HPSE2: variants seen among roughly 807,000 people sequenced by gnomAD.
HPSE2 encodes the protein heparanase 2 (inactive), also known as inactive heparanase-2.
In HPSE2, 38 loss-of-function variants were observed where a neutral mutation model predicts 60.5. That is an observed-to-expected ratio of 0.63 (90% CI 0.48 to 0.82). The LOEUF (loss-of-function observed/expected upper bound fraction) is 0.82. Among genes scored for constraint, HPSE2 ranks in the 40% least tolerant of loss-of-function variants. HPSE2 has a pLI of 0.00. For synonymous variants in HPSE2, 295 were observed against 293.2 expected (o/e 1.01, Z -0.06); for missense variants, 713 against 740.4 (o/e 0.96, Z 0.43).
chr10:99,031,330 T>G (rs1009903552), intron 3 of HPSE2, among the ~76,000 whole-genome samples: 1 of 152,184 alleles, frequency 6.6e-6, no homozygotes, highest in Non-Finnish European at 1.5e-5. Context: ...CTATGTGGGG[T>G]ACCATGTCCA....
At chr10:99,113,186 A>C (rs570586859) in intron 3 of HPSE2, among the ~76,000 whole-genome samples, 2 of 152,292 alleles carry the variant, frequency 1.3e-5, no homozygotes, top group East Asian at 3.9e-4. Context: ...CTTATTAAGC[A>C]TTCAATAATA....
At chr10:99,053,628 A>G (rs1958040578) in intron 3 of HPSE2, among the ~76,000 whole-genome samples, 1 of 150,504 alleles carries the variant, frequency 6.6e-6, no homozygotes, top group Admixed American at 6.6e-5. Context: ...ATAGGACATG[A>G]TTACAACCCT....
intron 9 of HPSE2, among the ~76,000 whole-genome samples, chr10:98,593,649 G>A (rs1945151171): frequency 6.6e-6 from 1 of 152,144 alleles, no homozygotes; most frequent in Non-Finnish European, 1.5e-5. Context: ...GAGACACATT[G>A]CTGAGATGGG....
chr10:98,983,273 T>C (rs1956251418), intron 3 of HPSE2, among the ~76,000 whole-genome samples: 2 of 152,168 alleles, frequency 1.3e-5, no homozygotes, highest in Non-Finnish European at 2.9e-5. Flanking sequence ...CCCGAGCTTG[T>C]TTTCCTCTAA....
chr10:99,150,338 T>A (rs529748007), intron 2 of HPSE2, among the ~76,000 whole-genome samples: 3 of 152,204 alleles, frequency 2.0e-5, no homozygotes, highest in African/African-American at 2.4e-5. Flanking sequence ...GCCAAAAAAA[T>A]TTTTTAAGAC....
At chr10:99,238,303 G>C (rs1013529255), upstream of HPSE2, among the ~76,000 whole-genome samples, 1 of 152,112 alleles carries the variant, frequency 6.6e-6, no homozygotes, top group African/African-American at 2.4e-5. Context: ...CTATTCTTGT[G>C]ACCAAGAATG....
intron 2 of HPSE2, among the ~76,000 whole-genome samples, chr10:99,231,069 G>C (rs543586548): frequency 6.6e-6 from 1 of 152,150 alleles, no homozygotes; most frequent in South Asian, 2.1e-4. Flanking sequence ...ACATGCTTTG[G>C]CAAATGTTAT....
chr10:99,308,281 G>C, the HPSE2 span, among the ~76,000 whole-genome samples: 1 of 149,940 alleles, frequency 6.7e-6, no homozygotes, highest in African/African-American at 2.5e-5. Flanking sequence ...CCAGCTACTT[G>C]GGAGGCTGAG....
chr10:99,102,092 A>C (rs541375610), intron 3 of HPSE2, among the ~76,000 whole-genome samples: 1 of 152,352 alleles, frequency 6.6e-6, no homozygotes, highest in East Asian at 1.9e-4. Context: ...AAGAGCAAAC[A>C]CATTCAAAAG....
intron 3 of HPSE2, among the ~76,000 whole-genome samples, chr10:99,085,429 A>T (rs1843284702): frequency 6.6e-6 from 1 of 151,864 alleles, no homozygotes; most frequent in Non-Finnish European, 1.5e-5. Context: ...GCAAAAGAAG[A>T]CTCCCCTAAG....
intron 3 of HPSE2, among the ~76,000 whole-genome samples, chr10:98,846,515 C>T (rs1952039253): frequency 6.6e-6 from 1 of 152,096 alleles, no homozygotes; most frequent in Non-Finnish European, 1.5e-5. Flanking sequence ...GTTGAGGCAA[C>T]CCAGGAGTAC....
rs369839037 is a variant in HPSE2 at position 98,979,948 on chromosome 10, G to C, written c.610+164290C>G. Reference sequence around the variant, plus strand: ...CACATTAGGAACTCACAAGCAGCTAGAGTGGATATCCATTTTTGTATGGCT... The same window carrying C: ...CACATTAGGAACTCACAAGCAGCTACAGTGGATATCCATTTTTGTATGGCT... On this transcript the variant is annotated intron_variant, in intron 3 of 11. Coordinates refer to ENST00000370552, the MANE Select transcript of HPSE2 (RefSeq NM_021828.5). Among the ~76,000 whole-genome samples the C allele has an allele frequency of 1.1e-4, 17 of 152,304 alleles. No homozygotes were observed. In the South Asian group the frequency reaches 2.9e-3, roughly 26 times the overall value.
intron 9 of HPSE2, 65 bp from the exon 10 acceptor site, chr10:98,490,261 T>C (rs1167475166): frequency 2.3e-6 from 3 of 1,323,206 alleles, no homozygotes; most frequent in Admixed American, 4.4e-5. Flanking sequence ...TGAGTAAACA[T>C]GACACACACA....
At chr10:98,847,506 A>G (rs1199042813) in intron 3 of HPSE2, among the ~76,000 whole-genome samples, 2 of 152,238 alleles carry the variant, frequency 1.3e-5, no homozygotes, top group Non-Finnish European at 2.9e-5. Context: ...TACCCCAGGC[A>G]TGGCTATTGT....
At chr10:98,572,137 CACT>C (rs1944515051) in intron 9 of HPSE2, among the ~76,000 whole-genome samples, 1 of 152,012 alleles carries the variant, frequency 6.6e-6, no homozygotes, top group Non-Finnish European at 1.5e-5. Context: ...GATGAGGTTT[CACT>C]ATGTTGGCCA....
At chr10:99,036,682 TC>T (rs1564754430) in intron 3 of HPSE2, among the ~76,000 whole-genome samples, 1 of 152,214 alleles carries the variant, frequency 6.6e-6, no homozygotes, top group Non-Finnish European at 1.5e-5. Context: ...ACAGGCAAGG[TC>T]CACAAATGCA....
intron 4 of HPSE2, among the ~76,000 whole-genome samples, chr10:98,724,911 C>T (rs1293209679): frequency 3.9e-5 from 6 of 152,092 alleles, no homozygotes; most frequent in Non-Finnish European, 7.4e-5. Flanking sequence ...GAATAAAATA[C>T]CTAGGAATCC....
chr10:98,738,864 A>C (rs181081656), intron 4 of HPSE2, among the ~76,000 whole-genome samples: 120 of 152,298 alleles, frequency 7.9e-4, no homozygotes, highest in African/African-American at 2.6e-3. Context: ...ATGCTTTTAC[A>C]CTGTTGGTGG....
chr10:98,893,863 C>G (rs2134947190), intron 3 of HPSE2, among the ~76,000 whole-genome samples: 1 of 150,236 alleles, frequency 6.7e-6, no homozygotes, highest in South Asian at 2.1e-4. Flanking sequence ...TATATAAAGC[C>G]AGGACCTCAA....
Sources: allele counts gnomAD v4.1 joint callset (sites outside exome capture counted in the v4.1 genomes callset), GRCh38; gene constraint gnomAD v4.1.1; transcripts MANE v1.5; gene names NCBI Gene and HGNC (gene_info 2026-07-23, HGNC 2026-07-21).